The following RELN variants were observed in gnomAD, a reference collection of about 807,000 sequenced individuals.
RELN encodes reelin.
Under a neutral mutation model 427.6 loss-of-function variants are expected in RELN, and 108 were observed. The observed-to-expected ratio is 0.25, with a 90% confidence interval of 0.22 to 0.30. The LOEUF is 0.30. Ranked by LOEUF, RELN falls within the 10% of genes least tolerant of loss-of-function variation. The probability of loss-of-function intolerance (pLI) is 1.00; values close to 1 mark genes in which losing one functional copy is unlikely to be tolerated. For synonymous variants in RELN, 1,524 were observed against 1,513.4 expected, an observed-to-expected ratio of 1.01 and a Z score of -0.16; for missense variants, 3,715 against 4,302.8, an observed-to-expected ratio of 0.86 and a Z score of 3.82.
intron 2 of RELN, among the ~76,000 whole-genome samples, chr7:103,883,812 G>T (rs1302590187): frequency 6.6e-6 from 1 of 152,190 alleles, no homozygotes; most frequent in Non-Finnish European, 1.5e-5. Flanking sequence ...AACACTCCAT[G>T]TTGCTGGATA....
Position 103,857,249 on chromosome 7 carries a change from G to T in RELN, c.338-23577C>A, listed in dbSNP as rs140950030. On this transcript the variant is annotated intron_variant, in intron 2 of 64. Transcript: ENST00000428762. ...TTCTAAAGACTTACTGCATAGCTAG[G>T]GAAGACCTCTATCTAAGCTATCATT... Among the ~76,000 whole-genome samples the T allele has an allele frequency of 5.8e-3, 883 of 152,240 alleles. 13 individuals carry two copies. The highest frequency in any genetic ancestry group is 0.02 in the African/African-American group (851 of 41,522).
chr7:103,914,000 G>A (rs1187404751), intron 2 of RELN, among the ~76,000 whole-genome samples: 1 of 152,180 alleles, frequency 6.6e-6, no homozygotes, highest in Non-Finnish European at 1.5e-5. Flanking sequence ...GCTCAAAAGT[G>A]TCTTTGGACC....
chr7:103,797,055 TAAATG>T, intron 3 of RELN, among the ~76,000 whole-genome samples: 12 of 152,146 alleles, frequency 7.9e-5, no homozygotes, highest in African/African-American at 2.4e-4. Context: ...TTTACTCCTT[TAAATG>T]TTTTATTTGG....
At chr7:103,740,721 G>A (rs1790623140) in intron 6 of RELN, among the ~76,000 whole-genome samples, 3 of 152,200 alleles carry the variant, frequency 2.0e-5, no homozygotes, top group African/African-American at 7.2e-5. Flanking sequence ...GTTAATGGAA[G>A]TAAATACATT....
At chr7:103,955,273 T>C (rs574582492) in intron 1 of RELN, among the ~76,000 whole-genome samples, 2 of 152,306 alleles carry the variant, frequency 1.3e-5, no homozygotes. Context: ...ACATACAAAA[T>C]GTTTCTCAGC....
rs1053713122 is a variant in RELN, at chr7:103,654,811, T to G, written c.1442-606A>C. On this transcript the variant is annotated intron_variant, in intron 12 of 64. Transcript: ENST00000428762. ...TACTTTATAGTCATGGAAAACAATA[T>G]GCCATTGAAGCTGAAGAGCAATTAA... Among the ~76,000 whole-genome samples the G allele has an allele frequency of 2.0e-5, 3 of 152,030 alleles. No individual in the cohort carries two copies. In the East Asian group the frequency reaches 5.8e-4, roughly 29 times the overall value.
intron 11 of RELN, among the ~76,000 whole-genome samples, chr7:103,677,003 T>A (rs1248941660): frequency 2.0e-5 from 3 of 149,104 alleles, no homozygotes; most frequent in Non-Finnish European, 4.5e-5. Flanking sequence ...CAAACCTGCA[T>A]GTTGTGCACA....
intron 28 of RELN, 63 bp from the exon 29 acceptor site, chr7:103,575,768 T>C (rs1035880055): frequency 3.0e-5 from 48 of 1,589,186 alleles, no homozygotes; most frequent in Admixed American, 1.2e-4. Flanking sequence ...CATTGGAATA[T>C]AGAAAAATTC....
Position 103,723,738 on chromosome 7 carries a change from T to C in RELN, c.754-547A>G, listed in dbSNP as rs78539931. Among the ~76,000 whole-genome samples the C allele has an allele frequency of 9.6e-3, 1,468 of 152,286 alleles. 26 individuals are homozygous for C. The highest frequency in any genetic ancestry group is 0.033 in the African/African-American group (1,385 of 41,576). Reference sequence around the variant, plus strand: ...AAAATTGACTGTAATAATGGTTCCATAACTTTGTAAATAAACCAGAAGCCT... The same window carrying C: ...AAAATTGACTGTAATAATGGTTCCACAACTTTGTAAATAAACCAGAAGCCT... On this transcript the variant is annotated intron_variant, in intron 7 of 64. Coordinates refer to ENST00000428762, the MANE Select transcript of RELN (RefSeq NM_005045.4).
intron 2 of RELN, among the ~76,000 whole-genome samples, chr7:103,885,815 C>T (rs570949880): frequency 1.3e-5 from 2 of 152,264 alleles, no homozygotes; most frequent in African/African-American, 4.8e-5. Flanking sequence ...AAATGCCTTA[C>T]AAGTTTTAAA....
intron 3 of RELN, among the ~76,000 whole-genome samples, chr7:103,816,327 C>T (rs1351956438): frequency 1.3e-5 from 2 of 151,994 alleles, no homozygotes; most frequent in African/African-American, 4.8e-5. Flanking sequence ...TGCAGTAAGC[C>T]GAGATCGTGC....
At chr7:103,748,966 A>T (rs1296233135) in intron 6 of RELN, among the ~76,000 whole-genome samples, 1 of 152,148 alleles carries the variant, frequency 6.6e-6, no homozygotes, top group South Asian at 2.1e-4. Flanking sequence ...CTCATTATTT[A>T]TTTCCCCTCA....
At position 103,472,885 on chromosome 7, in the gene RELN, A is replaced by G. The variant is rs377638585; in HGVS notation, c.10310T>C (p.Met3437Thr). The G allele has an allele frequency of 1.4e-5, 22 of 1,613,838 alleles. No individual in the cohort carries two copies. The African/African-American group carries it at 2.0e-4, about 15-fold the overall frequency. ...GAGCCCATGTTGTCGTGAAAAATTC[A>G]TCATGTAATTTTGTTTGCGAGTGCT... is the stretch of plus-strand genomic sequence containing the variant. ...LVSTRKQNYM[M>T]NFSRQHGLRH... Residue 3437 changes from methionine (M) to threonine (T), a missense_variant, in exon 65 of 65, where the codon ATG becomes ACG. Met to Thr is a moderately conservative substitution (Grantham distance 81). Coordinates refer to ENST00000428762, the MANE Select transcript of RELN (RefSeq NM_005045.4).
At chr7:103,714,083 C>T (rs1417749645) in intron 8 of RELN, among the ~76,000 whole-genome samples, 1 of 152,124 alleles carries the variant, frequency 6.6e-6, no homozygotes, top group Non-Finnish European at 1.5e-5. Context: ...CTGTAATTTC[C>T]AGGATGGCTG....
chr7:103,832,205 G>C (rs1032156852), intron 3 of RELN, among the ~76,000 whole-genome samples: 5 of 152,132 alleles, frequency 3.3e-5, no homozygotes, highest in African/African-American at 1.2e-4. Context: ...GGTTTTACGG[G>C]ATTTTGTCTG....
chr7:103,578,944 G>C (rs1831064771), intron 28 of RELN, among the ~76,000 whole-genome samples: 1 of 152,184 alleles, frequency 6.6e-6, no homozygotes, highest in Non-Finnish European at 1.5e-5. Flanking sequence ...TATGAAAAAG[G>C]AAGGTGTCTT....
At chr7:103,820,256 A>C (rs1395899323) in intron 3 of RELN, among the ~76,000 whole-genome samples, 1 of 152,014 alleles carries the variant, frequency 6.6e-6, no homozygotes. Flanking sequence ...ACACCAGAAA[A>C]TCATCAACGC....
At position 103,579,711 on chromosome 7, in the gene RELN, T is replaced by C. The variant is rs1348188344; in HGVS notation, c.4146-4006A>G. On this transcript the variant is annotated intron_variant, in intron 28 of 64. Coordinates refer to ENST00000428762, the MANE Select transcript of RELN (RefSeq NM_005045.4). ...ATAAATAAAAAGAAGAAGATATCATTCTTTCCCTTTGTTTCCTTTCCCAAT... is the reference window on the plus strand; with the variant it reads ...ATAAATAAAAAGAAGAAGATATCATCCTTTCCCTTTGTTTCCTTTCCCAAT... Among the ~76,000 whole-genome samples the C allele has an allele frequency of 1.2e-4, 19 of 152,196 alleles. 1 individual carries two copies. The highest frequency in any genetic ancestry group is 1.2e-3 in the Admixed American group (19 of 15,284).
At chr7:103,760,783 A>C (rs1333617359) in intron 4 of RELN, among the ~76,000 whole-genome samples, 4 of 152,212 alleles carry the variant, frequency 2.6e-5, no homozygotes, top group Admixed American at 1.3e-4. Flanking sequence ...CTCTTCACCT[A>C]ATTTGAAATT....
Sources: allele counts gnomAD v4.1 joint callset (sites outside exome capture counted in the v4.1 genomes callset), GRCh38; gene constraint gnomAD v4.1.1; transcripts MANE v1.5; gene names NCBI Gene and HGNC (gene_info 2026-07-23, HGNC 2026-07-21).